The following ADAMTSL1 variants were observed in gnomAD, a reference collection of about 807,000 sequenced individuals.
ADAMTSL1 encodes ADAMTS like 1, also known as ADAMTS-like protein 1.
Under a neutral mutation model 201.8 loss-of-function variants are expected in ADAMTSL1, and 126 were observed. The ratio of observed to expected loss-of-function variants is 0.62; its 90% confidence interval spans 0.54 to 0.72. ADAMTSL1 has a LOEUF of 0.72. Among genes scored for constraint, ADAMTSL1 ranks in the 30% least tolerant of loss-of-function variants. The probability of loss-of-function intolerance (pLI) is 0.00; values close to 1 mark genes in which losing one functional copy is unlikely to be tolerated. For missense variants in ADAMTSL1, 2,679 were observed against 2,277.8 expected (o/e 1.18, Z -3.59); for synonymous variants, 1,121 against 903.4 (o/e 1.24, Z -4.32).
intron 2 of ADAMTSL1, among the ~76,000 whole-genome samples, chr9:18,394,632 G>A (rs1306749061): frequency 1.3e-5 from 2 of 152,148 alleles, no homozygotes; most frequent in Admixed American, 6.5e-5. Context: ...TAATAACCTT[G>A]AGTGTAGATA....
chr9:18,679,365 A>C (rs1460344758), intron 10 of ADAMTSL1, among the ~76,000 whole-genome samples: 1 of 152,106 alleles, frequency 6.6e-6, no homozygotes, highest in East Asian at 1.9e-4. Context: ...GACCAGCTCA[A>C]CTCAGTCCCA....
chr9:18,827,084 A>G (rs140640731), intron 22 of ADAMTSL1, among the ~76,000 whole-genome samples: 5 of 151,954 alleles, frequency 3.3e-5, no homozygotes, highest in Non-Finnish European at 7.4e-5. Flanking sequence ...GTTGCAAGCT[A>G]TAACCGTTTT....
chr9:18,708,005 A>C (rs1169895492), intron 14 of ADAMTSL1, among the ~76,000 whole-genome samples: 2 of 152,240 alleles, frequency 1.3e-5, no homozygotes, highest in Non-Finnish European at 2.9e-5. Context: ...TTAATAGATG[A>C]GGGAGCGCCA....
chr9:18,611,210 G>C (rs1825339648), intron 4 of ADAMTSL1, among the ~76,000 whole-genome samples: 1 of 152,164 alleles, frequency 6.6e-6, no homozygotes, highest in Non-Finnish European at 1.5e-5. Context: ...TACAGTTAAT[G>C]CCATGTGAAG....
At chr9:18,898,603 C>G (rs1321356706) in intron 26 of ADAMTSL1, among the ~76,000 whole-genome samples, 1 of 152,182 alleles carries the variant, frequency 6.6e-6, no homozygotes, top group African/African-American at 2.4e-5. Flanking sequence ...AGCACCACAT[C>G]AAAAAGCTTA....
intron 2 of ADAMTSL1, among the ~76,000 whole-genome samples, chr9:18,394,044 T>C (rs1403600998): frequency 6.6e-6 from 1 of 152,224 alleles, no homozygotes; most frequent in African/African-American, 2.4e-5. Flanking sequence ...AAGCCTTTAA[T>C]TACCAATTGT....
intron 21 of ADAMTSL1, among the ~76,000 whole-genome samples, chr9:18,821,024 A>C: frequency 6.6e-6 from 1 of 152,212 alleles, no homozygotes; most frequent in East Asian, 1.9e-4. Context: ...AGGTGTGGGT[A>C]GGCAGGGGCT....
chr9:18,700,459 G>A (rs1426827170), intron 13 of ADAMTSL1, among the ~76,000 whole-genome samples: 1 of 152,100 alleles, frequency 6.6e-6, no homozygotes, highest in Non-Finnish European at 1.5e-5. Flanking sequence ...TTCTCATCCA[G>A]TAGTAATTTT....
intron 2 of ADAMTSL1, among the ~76,000 whole-genome samples, chr9:18,165,249 C>T (rs1486774593): frequency 1.3e-5 from 2 of 151,748 alleles, no homozygotes; most frequent in East Asian, 1.9e-4. Flanking sequence ...TAGCTCATAT[C>T]GAGTTTGGTT....
chr9:17,995,926 A>T (rs1295055534), intron 1 of ADAMTSL1, among the ~76,000 whole-genome samples: 2 of 151,914 alleles, frequency 1.3e-5, no homozygotes, highest in Non-Finnish European at 2.9e-5. Flanking sequence ...CTCTAAAATG[A>T]CACAGTCCGT....
chr9:17,982,060 C>T (rs28375018), intron 1 of ADAMTSL1, among the ~76,000 whole-genome samples: 5,555 of 152,254 alleles, frequency 0.036, 379 homozygotes, highest in African/African-American at 0.13. Flanking sequence ...GAATAAATCA[C>T]ACTACTTGCT....
At chr9:18,697,523 A>G (rs1308688612) in intron 13 of ADAMTSL1, among the ~76,000 whole-genome samples, 2 of 152,202 alleles carry the variant, frequency 1.3e-5, no homozygotes, top group Non-Finnish European at 2.9e-5. Context: ...CTATTTCAAA[A>G]TGTTTCCAAC....
At chr9:17,978,489 G>A (rs1350307782) in intron 1 of ADAMTSL1, among the ~76,000 whole-genome samples, 2 of 151,790 alleles carry the variant, frequency 1.3e-5, no homozygotes, top group Admixed American at 6.6e-5. Context: ...TTTCCATGAG[G>A]CTTACATAAA....
chr9:18,274,926 A>G (rs1282152510), intron 2 of ADAMTSL1, among the ~76,000 whole-genome samples: 1 of 152,204 alleles, frequency 6.6e-6, no homozygotes, highest in Admixed American at 6.5e-5. Flanking sequence ...ATTTCCTCCC[A>G]TGAGCAAAAG....
chr9:18,204,300 G>A (rs1450114789), intron 2 of ADAMTSL1, among the ~76,000 whole-genome samples: 2 of 151,944 alleles, frequency 1.3e-5, no homozygotes, highest in Non-Finnish European at 2.9e-5. Context: ...AATTTCTCAT[G>A]AAATCTGATG....
intron 2 of ADAMTSL1, among the ~76,000 whole-genome samples, chr9:18,227,607 A>G (rs1191364786): frequency 2.6e-5 from 4 of 152,182 alleles, no homozygotes; most frequent in African/African-American, 9.7e-5. Flanking sequence ...TTGGCAGCAC[A>G]TATGCCTGTA....
intron 2 of ADAMTSL1, among the ~76,000 whole-genome samples, chr9:18,259,615 GC>G (rs1831837835): frequency 6.6e-6 from 1 of 151,722 alleles, no homozygotes; most frequent in African/African-American, 2.4e-5. Flanking sequence ...TCCTCTTTCT[GC>G]TCCCCTCTCC....
chr9:18,677,115 C>G (rs1330795623), intron 10 of ADAMTSL1, among the ~76,000 whole-genome samples: 2 of 151,834 alleles, frequency 1.3e-5, no homozygotes, highest in Non-Finnish European at 2.9e-5. Context: ...TTAAATATGT[C>G]TAGTGACTGG....
At position 18,564,726 on chromosome 9, in the gene ADAMTSL1, G is replaced by A. The variant is rs567017214; in HGVS notation, c.238-9304G>A. 2.0e-4 allele frequency among the ~76,000 whole-genome samples: 31 copies of A among 152,284 alleles called. No individual in the cohort carries two copies. In the South Asian group the frequency reaches 5.8e-3, roughly 29 times the overall value. On this transcript the variant is annotated intron_variant, in intron 3 of 28. Coordinates refer to ENST00000380548, the MANE Select transcript of ADAMTSL1 (RefSeq NM_001040272.6). Reference sequence around the variant, plus strand: ...CTTCAGATATGCTAATTTTAAGGAGGTGGGAGAGAACACTTATTTTAGACT... The same window carrying A: ...CTTCAGATATGCTAATTTTAAGGAGATGGGAGAGAACACTTATTTTAGACT...
Sources: gnomAD v4.1 joint callset for allele counts (sites outside exome capture counted in the v4.1 genomes callset) on GRCh38, gnomAD v4.1.1 for gene constraint, MANE v1.5 for transcripts, NCBI Gene and HGNC (gene_info 2026-07-23, HGNC 2026-07-21) for gene names.